The following NRBP2 variants were observed in gnomAD, a reference collection of about 807,000 sequenced individuals.
NRBP2 encodes nuclear receptor-binding protein 2.
In NRBP2, 47 loss-of-function variants were observed where a neutral mutation model predicts 74.4. The ratio of observed to expected loss-of-function variants is 0.63; its 90% CI spans 0.50 to 0.81. The LOEUF (loss-of-function observed/expected upper bound fraction) is 0.81. Ranked by LOEUF, NRBP2 falls within the 30% of genes least tolerant of loss-of-function variation. The pLI is 0.00. For synonymous variants in NRBP2, 312 were observed against 273.8 expected (o/e 1.14, Z -1.38); for missense variants, 613 against 690.1 (o/e 0.89, Z 1.25).
rs560531977 is a variant in NRBP2 at position 143,836,310 on chromosome 8, A to T, written c.1264-130T>A. On this transcript the variant is annotated intron_variant, in intron 14 of 17. Coordinates refer to ENST00000442628, the MANE Select transcript of NRBP2 (RefSeq NM_178564.4). The stretch of plus-strand genomic sequence containing the variant: ...TCTAAGAGGAGCCCATCTCACTGCT[A>T]GTGGCTTGGCAAGCTAAGGAAAGCT... 24 of 1,312,370 alleles carry T rather than the reference A, an allele frequency of 1.8e-5. No homozygotes were observed. The East Asian group carries it at 6.5e-4, about 36-fold the overall frequency. The allele number at this position is 1,312,370 out of a possible 1,614,324, so 81.3% of individuals were successfully genotyped here.
At chr8:143,838,428 G>C (rs1471316236) in intron 10 of NRBP2, among the ~76,000 whole-genome samples, 1 of 152,240 alleles carries the variant, frequency 6.6e-6, no homozygotes, top group East Asian at 1.9e-4. Context: ...TATAAAACGG[G>C]CATGGTGATG....
rs942062744 is a variant in NRBP2, at chr8:143,839,564, A to G, written c.445-15T>C. On this transcript the variant is annotated splice_polypyrimidine_tract_variant and intron_variant, in intron 4 of 17. Transcript: ENST00000442628. This position sits in a 1 kb window ranked among gnomAD's most constrained non-coding sequence, Gnocchi z 5.1. Reference sequence around the variant, plus strand: ...CGCTTCCAGGCCTGGCGGCGGACGCACGACTCCGTCGGTCGGGTGGGCGCA... The same window carrying G: ...CGCTTCCAGGCCTGGCGGCGGACGCGCGACTCCGTCGGTCGGGTGGGCGCA... 1.3e-6 allele frequency: 2 copies of G among 1,529,414 alleles called. No individual in the cohort carries two copies. Among genetic ancestry groups the G allele is most frequent in the Non-Finnish European group, 1.7e-6 (2 of 1,144,032 alleles). 94.7% of individuals were successfully genotyped at this position (1,529,414 alleles called of 1,614,324 possible).
chr8:143,836,393 C>T (rs937036197), intron 14 of NRBP2, among the ~76,000 whole-genome samples: 4 of 151,880 alleles, frequency 2.6e-5, no homozygotes, highest in East Asian at 1.9e-4. Flanking sequence ...GCTTTCACCG[C>T]GGAGAGAACA....
downstream of NRBP2, among the ~76,000 whole-genome samples, chr8:143,832,291 G>C (rs565003761): frequency 1.3e-5 from 2 of 151,686 alleles, no homozygotes; most frequent in African/African-American, 4.8e-5. Flanking sequence ...GCGGAAGGCC[G>C]CAGGGACCTC....
rs1408381737 is a variant in NRBP2 at position 143,834,918 on chromosome 8, CCCTGACG to C, written c.*737_*743del. ...CTGAGGAGCAGGGAGGATGTGGGGT[CCCTGACG>C]CCTCCAGGCCAGGGAATGCATGAGA... On this transcript the variant is annotated 3_prime_UTR_variant, in exon 18 of 18. Transcript: ENST00000442628. The C allele has an allele frequency of 6.6e-6, 1 of 152,252 alleles. No individual in the cohort carries two copies. The highest frequency in any genetic ancestry group is 1.5e-5 in the Non-Finnish European group (1 of 68,138). The allele number at this position is 152,252 out of a possible 1,614,324, so 9.4% of individuals were successfully genotyped here.
chr8:143,837,489 CCA>C lies in NRBP2; in HGVS notation c.992_993del (p.Val331GlyfsTer85). On this transcript the variant is annotated frameshift_variant, in exon 12 of 18. Coordinates refer to ENST00000442628, the MANE Select transcript of NRBP2 (RefSeq NM_178564.4). LOFTEE classifies it high-confidence loss of function. This position sits in a 1 kb window ranked among gnomAD's most constrained non-coding sequence, Gnocchi z 4.3. ...IQHQYLMPEN[V>X]VEEKTKAMDL... ...TCCATGGCCTTGGTCTTCTCCTCCA[CCA>C]CATTCTCAGGCATGAGGTCTGCGGC... 6.2e-7 allele frequency: 1 copy of C among 1,611,118 alleles called. No homozygotes were observed. The highest frequency in any genetic ancestry group is 2.2e-5 in the East Asian group (1 of 44,814).
chr8:143,831,562 A>G (rs1422931092), downstream of NRBP2, among the ~76,000 whole-genome samples: 2 of 152,258 alleles, frequency 1.3e-5, no homozygotes, highest in Non-Finnish European at 1.5e-5. Context: ...TGGAGGTTGC[A>G]GTGCCCTGTG....
Position 143,839,124 on chromosome 8 carries a change from C to A in NRBP2, c.605-24G>T. On this transcript the variant is annotated intron_variant, in intron 7 of 17. Coordinates refer to ENST00000442628, the MANE Select transcript of NRBP2 (RefSeq NM_178564.4). The surrounding 1 kb of genome is among the most constrained non-coding windows in gnomAD (Gnocchi z 5.1). ...TGCTGTGGGAGGGCGCAGAGCTGAG[C>A]GGGCGGGGACCTCTCCAGGACCCCG... The A allele has an allele frequency of 6.6e-7, 1 of 1,510,928 alleles. No individual in the cohort carries two copies. The highest frequency in any genetic ancestry group is 8.8e-7 in the Non-Finnish European group (1 of 1,131,730). The allele number at this position is 1,510,928 out of a possible 1,614,324, so 93.6% of individuals were successfully genotyped here. A position where few individuals can be genotyped will look rare whatever the true frequency, so the allele number is the denominator to read the frequency against.
At position 143,840,294 on chromosome 8, in the gene NRBP2, C is replaced by G. The variant is rs782237537; in HGVS notation, c.130-65G>C. ...TCAGGGTTGTGGGTGAGGATTTGGT[C>G]CCTGTCCACACCTTTCCAGTGGGCC... is the stretch of plus-strand genomic sequence containing the variant. On this transcript the variant is annotated intron_variant, in intron 1 of 17. Coordinates refer to ENST00000442628, the MANE Select transcript of NRBP2 (RefSeq NM_178564.4). This position sits in a 1 kb window ranked among gnomAD's most constrained non-coding sequence, Gnocchi z 5.7. 152 of 1,524,606 alleles carry G rather than the reference C, an allele frequency of 1.0e-4. No individual in the cohort carries two copies. Among genetic ancestry groups the G allele is most frequent in the Non-Finnish European group, 1.2e-4 (134 of 1,140,184 alleles). The allele number at this position is 1,524,606 out of a possible 1,614,324, so 94.4% of individuals were successfully genotyped here.
intron 14 of NRBP2, among the ~76,000 whole-genome samples, chr8:143,836,722 G>C (rs1425378463): frequency 6.8e-6 from 1 of 148,074 alleles, no homozygotes; most frequent in Non-Finnish European, 1.5e-5. Flanking sequence ...GGGGTGCGGG[G>C]GTGGGGGAAG....
At chr8:143,838,854 G>A in intron 9 of NRBP2, 29 bp downstream of exon 9, 5 of 1,613,258 alleles carry the variant, frequency 3.1e-6, no homozygotes, top group Non-Finnish European at 4.2e-6. Flanking sequence ...GAGGAGGGCA[G>A]AGCACAAGGT....
chr8:143,835,448 G>A lies in NRBP2; in HGVS notation c.*214C>T, dbSNP rs1818316756. On this transcript the variant is annotated 3_prime_UTR_variant, in exon 18 of 18. Transcript: ENST00000442628. The surrounding 1 kb of genome is among the most constrained non-coding windows in gnomAD (Gnocchi z 4.9). The stretch of plus-strand genomic sequence containing the variant: ...GGGGCAACCCTGATCCTAAGGACCT[G>A]GGAGGCCTAACGGCTCCCCCACACC... The A allele has an allele frequency of 1.5e-6, 1 of 650,134 alleles. No individual in the cohort carries two copies. Among genetic ancestry groups the A allele is most frequent in the Non-Finnish European group, 2.7e-6 (1 of 364,064 alleles). The allele number at this position is 650,134 out of a possible 1,614,324, so 40.3% of individuals were successfully genotyped here.
chr8:143,835,598 G>T lies in NRBP2; in HGVS notation c.*64C>A. 1.4e-6 allele frequency: 2 copies of T among 1,382,632 alleles called. No individual in the cohort carries two copies. The highest frequency in any genetic ancestry group is 9.9e-7 in the Non-Finnish European group (1 of 1,014,448). The allele number at this position is 1,382,632 out of a possible 1,614,324, so 85.6% of individuals were successfully genotyped here. On this transcript the variant is annotated 3_prime_UTR_variant, in exon 18 of 18. Transcript: ENST00000442628. This position sits in a 1 kb window ranked among gnomAD's most constrained non-coding sequence, Gnocchi z 4.9. Reference sequence around the variant, plus strand: ...AGGAGGGCAGCCCCACGGTGCTGGAGTCTCCCCAACATGGCCTGCCCAGGC... The same window carrying T: ...AGGAGGGCAGCCCCACGGTGCTGGATTCTCCCCAACATGGCCTGCCCAGGC...
In NRBP2 at chr8:143,839,063, C is replaced by T. The variant is rs782054982; in HGVS notation, c.642G>A (p.Glu214=). 3.6e-5 allele frequency: 56 copies of T among 1,535,632 alleles called. No individual in the cohort carries two copies. Among genetic ancestry groups the T allele is most frequent in the Non-Finnish European group, 1.5e-5 (17 of 1,144,720 alleles). The change falls in exon 8 of 18, where the codon GAG becomes GAA. Residue 214 remains glutamate (E), a synonymous_variant. Coordinates refer to ENST00000442628, the MANE Select transcript of NRBP2 (RefSeq NM_178564.4). This position sits in a 1 kb window ranked among gnomAD's most constrained non-coding sequence, Gnocchi z 5.1. ...AGTGCAGGTTCCGAAGTTCCTCTCG[C>T]TCAGCGCGGATGGGGCTTCGGAGAT... ...PDDLRSPIRA[E]REELRNLHFF... is the part of the protein sequence containing the mutation.
downstream of NRBP2, among the ~76,000 whole-genome samples, chr8:143,831,230 A>AT (rs1425953480): frequency 6.6e-6 from 1 of 152,208 alleles, no homozygotes; most frequent in Non-Finnish European, 1.5e-5. Flanking sequence ...CTGTTACCCC[A>AT]TTTTTACTGA....
At chr8:143,832,540 C>T (rs1554650475), downstream of NRBP2, among the ~76,000 whole-genome samples, 1 of 152,268 alleles carries the variant, frequency 6.6e-6, no homozygotes, top group South Asian at 2.1e-4. Context: ...ATTGCATGCT[C>T]CATCTACTGA....
Position 143,840,951 on chromosome 8 carries a change from G to A in NRBP2, c.-117C>T. ...CCTAGAGCCGCCGCGGCAGCCTAGA[G>A]CCCCAGCCCCGGCTCTGGGAATTGG... is the stretch of plus-strand genomic sequence containing the variant. On this transcript the variant is annotated 5_prime_UTR_variant, in exon 1 of 18. Coordinates refer to ENST00000442628, the MANE Select transcript of NRBP2 (RefSeq NM_178564.4). The surrounding 1 kb of genome is among the most constrained non-coding windows in gnomAD (Gnocchi z 5.7). The A allele has an allele frequency of 8.8e-7, 1 of 1,140,180 alleles. No individual in the cohort carries two copies. Among genetic ancestry groups the A allele is most frequent in the Non-Finnish European group, 1.1e-6 (1 of 929,928 alleles). 70.6% of individuals were successfully genotyped at this position (1,140,180 alleles called of 1,614,324 possible). A position where few individuals can be genotyped will look rare whatever the true frequency, so the allele number is the denominator to read the frequency against.
At chr8:143,831,986 G>T (rs372791005), downstream of NRBP2, among the ~76,000 whole-genome samples, 127 of 152,348 alleles carry the variant, frequency 8.3e-4, no homozygotes, top group Middle Eastern at 6.8e-3. Flanking sequence ...TTAGCATAAA[G>T]ACTGTGGGGA....
chr8:143,834,262 T>C lies in NRBP2; in HGVS notation c.*1400A>G, dbSNP rs1818265898. Reference sequence around the variant, plus strand: ...CAGAGAAATGGTTCGTGACACAGACTGAACCTGCTAGCTCTGAAGATGGAG... The same window carrying C: ...CAGAGAAATGGTTCGTGACACAGACCGAACCTGCTAGCTCTGAAGATGGAG... On this transcript the variant is annotated 3_prime_UTR_variant, in exon 18 of 18. Transcript: ENST00000442628. 6.6e-6 allele frequency: 1 copy of C among 152,250 alleles called. No homozygotes were observed. Among genetic ancestry groups the C allele is most frequent in the Non-Finnish European group, 1.5e-5 (1 of 68,040 alleles). The allele number at this position is 152,250 out of a possible 1,614,324, so 9.4% of individuals were successfully genotyped here. A position where few individuals can be genotyped will look rare whatever the true frequency, so the allele number is the denominator to read the frequency against.
Sources: gnomAD v4.1 joint callset for allele counts (sites outside exome capture counted in the v4.1 genomes callset) on GRCh38, gnomAD v4.1.1 for gene constraint, Gnocchi (gnomAD v3.1) non-coding constraint, MANE v1.5 for transcripts, NCBI Gene and HGNC (gene_info 2026-07-23, HGNC 2026-07-21) for gene names.